CTNNBL1: variants seen among roughly 807,000 people sequenced by gnomAD.
The protein encoded by CTNNBL1 is catenin beta like 1.
Under a neutral mutation model 72.7 loss-of-function variants are expected in CTNNBL1, and 31 were observed. The observed-to-expected ratio is 0.43, with a 90% CI of 0.32 to 0.58. CTNNBL1 has a LOEUF of 0.58. Ranked by LOEUF, CTNNBL1 falls within the 20% of genes least tolerant of loss-of-function variation. CTNNBL1 has a pLI of 0.08. For synonymous variants in CTNNBL1, 240 were observed against 267.3 expected (o/e 0.90, Z 1.00); for missense variants, 534 against 725.1 (o/e 0.74, Z 3.03).
rs2122667537 is a variant in CTNNBL1 at position 37,767,935 on chromosome 20, G to A, written c.659-18G>A. On this transcript the variant is annotated intron_variant, in intron 6 of 15. Coordinates refer to ENST00000361383, the MANE Select transcript of CTNNBL1 (RefSeq NM_030877.5). ...ACAAAGTTGTCCTCCCAAATGACTG[G>A]TGTCTGTCTCCCTTCAGCTATTGTG... 6.2e-7 allele frequency: 1 copy of A among 1,608,240 alleles called. No homozygotes were observed. The highest frequency in any genetic ancestry group is 8.5e-7 in the Non-Finnish European group (1 of 1,174,688).
rs7262900 is a variant in CTNNBL1 at position 37,765,135 on chromosome 20, G to A, written c.565-62G>A. The A allele has an allele frequency of 3.1e-3, 3,462 of 1,107,516 alleles. 78 individuals are homozygous for A. The African/African-American group carries it at 0.043, about 14-fold the overall frequency. 68.6% of individuals were successfully genotyped at this position (1,107,516 alleles called of 1,614,324 possible). A position where few individuals can be genotyped will look rare whatever the true frequency, so the allele number is the denominator to read the frequency against. On this transcript the variant is annotated intron_variant, in intron 5 of 15. Transcript: ENST00000361383. ...ATAGTGGAGAAGTAAGTATGGGAACGGGAACATTTTGGGGACCATTTTATG... is the reference window on the plus strand; with the variant it reads ...ATAGTGGAGAAGTAAGTATGGGAACAGGAACATTTTGGGGACCATTTTATG...
At chr20:37,773,720 C>T (rs1261617345) in intron 7 of CTNNBL1, among the ~76,000 whole-genome samples, 1 of 152,118 alleles carries the variant, frequency 6.6e-6, no homozygotes, top group Non-Finnish European at 1.5e-5. Context: ...TTCTTCCCAC[C>T]TGGCCTAATT....
intron 11 of CTNNBL1, among the ~76,000 whole-genome samples, chr20:37,819,512 G>A (rs1169292158): frequency 6.6e-6 from 1 of 152,104 alleles, no homozygotes; most frequent in African/African-American, 2.4e-5. Flanking sequence ...GTTTATGCTT[G>A]CAAAAATACA....
At chr20:37,794,209 A>G (rs188461592) in intron 10 of CTNNBL1, among the ~76,000 whole-genome samples, 121 of 94,966 alleles carry the variant, frequency 1.3e-3, no homozygotes, top group African/African-American at 4.6e-3. Flanking sequence ...ATCCGGGGTC[A>G]GTTTCCTTCT....
chr20:37,826,679 C>T (rs777155493), intron 11 of CTNNBL1, among the ~76,000 whole-genome samples: 4 of 152,164 alleles, frequency 2.6e-5, no homozygotes, highest in Non-Finnish European at 5.9e-5. Flanking sequence ...GGCAAATACT[C>T]ATGTACCTGC....
chr20:37,715,578 C>G (rs1276295153), intron 1 of CTNNBL1, among the ~76,000 whole-genome samples: 1 of 152,194 alleles, frequency 6.6e-6, no homozygotes, highest in African/African-American at 2.4e-5. Context: ...GAGGCCCATT[C>G]TGGCTCACTT....
At chr20:37,726,773 C>T (rs2073088609) in intron 1 of CTNNBL1, among the ~76,000 whole-genome samples, 1 of 152,132 alleles carries the variant, frequency 6.6e-6, no homozygotes, top group Non-Finnish European at 1.5e-5. Context: ...CCTTTCTTAG[C>T]CAGGGAACTT....
Position 37,777,372 on chromosome 20 carries a change from C to A in CTNNBL1, c.778C>A (p.Leu260Met). The A allele has an allele frequency of 6.2e-7, 1 of 1,613,858 alleles. No homozygotes were observed. The highest frequency in any genetic ancestry group is 8.5e-7 in the Non-Finnish European group (1 of 1,179,756). The change falls in exon 8 of 16, where the codon CTG (leucine) becomes ATG (methionine). Residue 260 changes from leucine to methionine, a missense_variant. Leu to Met is a conservative substitution (Grantham distance 15). Transcript: ENST00000361383. ...AAAGATGCCTTTTGATGCCAACAAA[C>A]TGTATTGCAGTGAAGTGCTGGCCAT... ...KAKMPFDANKLYCSEVLAILL... is the reference protein window; with the variant it reads ...KAKMPFDANKMYCSEVLAILL...
intron 11 of CTNNBL1, among the ~76,000 whole-genome samples, chr20:37,838,150 G>A (rs532074283): frequency 2.0e-5 from 3 of 152,326 alleles, no homozygotes; most frequent in African/African-American, 7.2e-5. Flanking sequence ...CAGAAGCCCC[G>A]AGGCAGGAAC....
chr20:37,830,812 A>G (rs1215129758), intron 11 of CTNNBL1, among the ~76,000 whole-genome samples: 1 of 152,104 alleles, frequency 6.6e-6, no homozygotes, highest in East Asian at 1.9e-4. Context: ...CACAAAACCT[A>G]TTTTATTTTT....
intron 11 of CTNNBL1, among the ~76,000 whole-genome samples, chr20:37,824,615 T>G (rs2072141923): frequency 6.6e-6 from 1 of 152,204 alleles, no homozygotes; most frequent in African/African-American, 2.4e-5. Context: ...TAAAGGTTTA[T>G]TTCTCTCTCA....
intron 1 of CTNNBL1, among the ~76,000 whole-genome samples, chr20:37,715,094 G>A (rs2072974702): frequency 6.6e-6 from 1 of 152,170 alleles, no homozygotes; most frequent in Non-Finnish European, 1.5e-5. Context: ...TACTAGAGCC[G>A]CTAACAGTTC....
intron 7 of CTNNBL1, among the ~76,000 whole-genome samples, chr20:37,771,852 A>G (rs1054467843): frequency 2.0e-5 from 3 of 152,336 alleles, no homozygotes; most frequent in South Asian, 2.1e-4. Context: ...AAACCCCTGT[A>G]GCTAGTTAGA....
chr20:37,841,348 T>G (rs1470841375), intron 12 of CTNNBL1, among the ~76,000 whole-genome samples: 2 of 152,358 alleles, frequency 1.3e-5, no homozygotes, highest in Admixed American at 1.3e-4. Context: ...AGTTAACATC[T>G]GTGCTTCGGT....
chr20:37,725,588 T>C (rs1474630262), intron 1 of CTNNBL1, among the ~76,000 whole-genome samples: 1 of 728 alleles, frequency 1.4e-3, no homozygotes, highest in Non-Finnish European at 2.3e-3. Flanking sequence ...CATGAGCCAC[T>C]GCGCCCAGCC....
At chr20:37,793,020 C>T (rs537169714) in intron 10 of CTNNBL1, among the ~76,000 whole-genome samples, 4 of 152,160 alleles carry the variant, frequency 2.6e-5, no homozygotes, top group Non-Finnish European at 5.9e-5. Context: ...TTGATTTCAG[C>T]CTTTCAAAAT....
chr20:37,757,685 A>G (rs1350186659), intron 5 of CTNNBL1, 29 bp downstream of exon 5: 6 of 1,571,598 alleles, frequency 3.8e-6, no homozygotes, highest in Non-Finnish European at 5.2e-6. Flanking sequence ...GGGGTTTTGC[A>G]GGTTTGTATA....
At chr20:37,718,103 G>T (rs1201956805) in intron 1 of CTNNBL1, among the ~76,000 whole-genome samples, 5 of 152,048 alleles carry the variant, frequency 3.3e-5, no homozygotes, top group African/African-American at 7.2e-5. Context: ...ATCATGGCCC[G>T]CTCTCAATGA....
chr20:37,802,951 G>A lies in CTNNBL1; in HGVS notation c.1116G>A (p.Lys372=), dbSNP rs201689535. The part of the protein sequence containing the change: ...IGPEGTDNCH[K]FVDILGLRTI... ...CCGAAGGCACAGACAACTGCCATAAGTTTGTTGACATTCTTGGCTTACGAA... is the reference window on the plus strand; with the variant it reads ...CCGAAGGCACAGACAACTGCCATAAATTTGTTGACATTCTTGGCTTACGAA... The change falls in exon 11 of 16, where the codon AAG becomes AAA. Residue 372 remains lysine (K), a synonymous_variant. Coordinates refer to ENST00000361383, the MANE Select transcript of CTNNBL1 (RefSeq NM_030877.5). 3.8e-5 allele frequency: 62 copies of A among 1,613,998 alleles called. No homozygotes were observed. The highest frequency in any genetic ancestry group is 3.3e-5 in the Admixed American group (2 of 60,002).
Sources: allele counts gnomAD v4.1 joint callset (sites outside exome capture counted in the v4.1 genomes callset), GRCh38; gene constraint gnomAD v4.1.1; transcripts MANE v1.5; gene names NCBI Gene and HGNC (gene_info 2026-07-23, HGNC 2026-07-21).